The following PRRC2B variants were observed in gnomAD, a reference collection of about 807,000 sequenced individuals.
PRRC2B encodes proline rich coiled-coil 2B, also known as protein PRRC2B.
A neutral mutation model predicts 242.3 loss-of-function variants in PRRC2B; 68 were observed. That is an observed-to-expected ratio of 0.28 (90% CI 0.23 to 0.34). The LOEUF (loss-of-function observed/expected upper bound fraction) is 0.34, where lower values mean the gene tolerates loss of function less well. Among genes scored for constraint, PRRC2B ranks in the 10% least tolerant of loss-of-function variants. The pLI, the probability that PRRC2B is intolerant of heterozygous loss-of-function variation, is 1.00. For synonymous variants in PRRC2B, 1,228 were observed against 1,173.6 expected (o/e 1.05, Z -0.95); for missense variants, 2,835 against 2,954.8 (o/e 0.96, Z 0.94).
intron 1 of PRRC2B, among the ~76,000 whole-genome samples, chr9:131,410,365 C>T (rs1837474504): frequency 1.3e-5 from 2 of 152,246 alleles, no homozygotes; most frequent in African/African-American, 4.8e-5. Context: ...GTTCACACCC[C>T]ACCGCAGGCC....
chr9:131,394,079 G>C (rs1167701569), upstream of PRRC2B: 2 of 149,810 alleles, frequency 1.3e-5, no homozygotes, highest in Non-Finnish European at 3.0e-5. Flanking sequence ...GCGAGGGAGC[G>C]AGCGGCGAGA....
At position 131,470,850 on chromosome 9, in the gene PRRC2B, C is replaced by T. The variant is rs1429321517; in HGVS notation, c.1974C>T (p.Arg658=). ...PVYPPPSHPQ[R]TFYPHHPQML... ...ACCCCCCGCCGTCCCACCCCCAGCG[C>T]ACCTTTTACCCACACCACCCCCAGA... is the stretch of plus-strand genomic sequence containing the variant. Residue 658 remains arginine, a synonymous_variant, in exon 14 of 32, where the codon CGC becomes CGT. Transcript: ENST00000683519. 4 of 1,610,430 alleles carry T rather than the reference C, an allele frequency of 2.5e-6. No homozygotes were observed. The African/African-American group carries it at 4.0e-5, about 16-fold the overall frequency.
In PRRC2B at chr9:131,499,194, A is replaced by G. The variant is rs538548918; in HGVS notation, c.*3320A>G. On this transcript the variant is annotated 3_prime_UTR_variant, in exon 32 of 32. Coordinates refer to ENST00000683519, the MANE Select transcript of PRRC2B (RefSeq NM_013318.4). ...TCTCCAGCCGTGCTGTCACCCTCCT[A>G]TCTTCTGGATCTGCCTTCGCGATGG... 2 of 152,214 alleles carry G rather than the reference A, an allele frequency of 1.3e-5. No individual in the cohort carries two copies. Among genetic ancestry groups the G allele is most frequent in the Admixed American group, 6.5e-5 (1 of 15,298 alleles). 9.4% of individuals were successfully genotyped at this position (152,214 alleles called of 1,614,324 possible). A position where few individuals can be genotyped will look rare whatever the true frequency, so the allele number is the denominator to read the frequency against.
chr9:131,420,454 T>C (rs1024848773), intron 1 of PRRC2B, among the ~76,000 whole-genome samples: 4 of 8,024 alleles, frequency 5.0e-4, no homozygotes, highest in African/African-American at 7.6e-4. Flanking sequence ...TCTTTTTCTT[T>C]TTCTTTCTTT....
chr9:131,456,570 G>A lies in PRRC2B; in HGVS notation c.1211+1404G>A, dbSNP rs540111897. ...GGCATGAACCCGGGAGGCGGAGCTT[G>A]CAGTGAGCCGAGATCACGCCACATG... On this transcript the variant is annotated intron_variant, in intron 10 of 31. Transcript: ENST00000683519. Among the ~76,000 whole-genome samples, 14 of 152,034 alleles carry A rather than the reference G, an allele frequency of 9.2e-5. No individual in the cohort carries two copies. In the East Asian group the frequency reaches 2.5e-3, roughly 27 times the overall value.
chr9:131,492,645 G>C (rs1465383361), intron 30 of PRRC2B, among the ~76,000 whole-genome samples: 2 of 152,288 alleles, frequency 1.3e-5, no homozygotes, highest in Non-Finnish European at 2.9e-5. Flanking sequence ...GCCTTTCCCA[G>C]CGTCTCTTTC....
intron 5 of PRRC2B, among the ~76,000 whole-genome samples, chr9:131,443,141 T>A (rs1838665033): frequency 1.2e-4 from 1 of 8,406 alleles, no homozygotes; most frequent in African/African-American, 1.7e-4. Flanking sequence ...ATTTTATTAT[T>A]TTTTTTTTTT....
rs777074216 is a variant in PRRC2B, at chr9:131,478,502, C to T, written c.4641C>T (p.Ser1547=). 1.2e-6 allele frequency: 2 copies of T among 1,613,654 alleles called. No homozygotes were observed. Among genetic ancestry groups the T allele is most frequent in the South Asian group, 1.1e-5 (1 of 91,064 alleles). ...CCATCATTGAAAATTGCGGGTCCAG[C>T]CCCGGGGAGGAGAGTGAGGTGGGTT... ...GSAIIENCGS[S]PGEESEVGSM... The change falls in exon 18 of 32, where the codon AGC becomes AGT. Residue 1547 remains serine (S), a synonymous_variant. Transcript: ENST00000683519.
chr9:131,495,769 C>T lies in PRRC2B; in HGVS notation c.6585C>T (p.Ser2195=), dbSNP rs771732926. The change falls in exon 32 of 32, where the codon AGC becomes AGT. Residue 2195 remains serine, a synonymous_variant. Transcript: ENST00000683519. ...AACAACGAGTGGATGAGAAACCCAG[C>T]CTGGGAGCCGTGAAGCTGCAGGAGG... is the stretch of plus-strand genomic sequence containing the variant. ...QAKQRVDEKP[S]LGAVKLQEAP... 1 of 1,612,434 alleles carries T rather than the reference C, an allele frequency of 6.2e-7. No individual in the cohort carries two copies. Among genetic ancestry groups the T allele is most frequent in the Non-Finnish European group, 8.5e-7 (1 of 1,178,622 alleles).
At chr9:131,411,714 TAG>T (rs929090285) in intron 1 of PRRC2B, among the ~76,000 whole-genome samples, 1 of 152,234 alleles carries the variant, frequency 6.6e-6, no homozygotes, top group African/African-American at 2.4e-5. Flanking sequence ...ACTTTTTTAG[TAG>T]AGAGTGTTAG....
chr9:131,439,244 C>T (rs1838476981), intron 5 of PRRC2B, among the ~76,000 whole-genome samples, 183 bp downstream of exon 5: 1 of 152,148 alleles, frequency 6.6e-6, no homozygotes, highest in Admixed American at 6.5e-5. Flanking sequence ...GGTGCCAGCT[C>T]TTTGGTTTCT....
upstream of PRRC2B, among the ~76,000 whole-genome samples, chr9:131,389,924 T>G (rs990142131): frequency 1.7e-3 from 221 of 130,664 alleles, 34 homozygotes; most frequent in Admixed American, 0.016. Flanking sequence ...TGTTTTTTTT[T>G]TTGTTTTTTT....
intron 2 of PRRC2B, among the ~76,000 whole-genome samples, chr9:131,430,565 G>A (rs1239264044): frequency 1.8e-5 from 2 of 112,180 alleles, no homozygotes; most frequent in African/African-American, 3.5e-5. Flanking sequence ...GTGTGTATGT[G>A]TGTGTGTGTG....
Position 131,473,689 on chromosome 9 carries a change from G to A in PRRC2B, c.2289G>A (p.Lys763=), listed in dbSNP as rs142816402. 56 of 1,613,730 alleles carry A rather than the reference G, an allele frequency of 3.5e-5. 2 individuals are homozygous for A. In the African/African-American group the frequency reaches 5.6e-4, roughly 16 times the overall value. ...AGGGCTACCCGCTCCCGCACCCGAA[G>A]TCGAGTGACACCTTGGCTATGGACA... ...QSKGYPLPHP[K]SSDTLAMDMR... Residue 763 remains lysine, a synonymous_variant, in exon 15 of 32, where the codon AAG becomes AAA. Transcript: ENST00000683519.
chr9:131,442,900 A>C (rs1009008551), intron 5 of PRRC2B, among the ~76,000 whole-genome samples: 1 of 152,216 alleles, frequency 6.6e-6, no homozygotes, highest in Non-Finnish European at 1.5e-5. Context: ...TCTCTAAAGC[A>C]GGTTGTAATG....
At position 131,446,789 on chromosome 9, in the gene PRRC2B, C is replaced by A; in HGVS notation, c.855+147C>A. ...CTTCCACTCGTTTTGCATTTTCTCTCCCTGCTTTTTAAATCTTCAGGGCCT... is the reference window on the plus strand; with the variant it reads ...CTTCCACTCGTTTTGCATTTTCTCTACCTGCTTTTTAAATCTTCAGGGCCT... On this transcript the variant is annotated intron_variant, in intron 7 of 31. Transcript: ENST00000683519. The surrounding 1 kb of genome is among the most constrained non-coding windows in gnomAD (Gnocchi z 4.1). 1.0e-6 allele frequency: 1 copy of A among 985,986 alleles called. No individual in the cohort carries two copies. The highest frequency in any genetic ancestry group is 1.5e-6 in the Non-Finnish European group (1 of 679,400). 61.1% of individuals were successfully genotyped at this position (985,986 alleles called of 1,614,324 possible). A position where few individuals can be genotyped will look rare whatever the true frequency, so the allele number is the denominator to read the frequency against.
intron 5 of PRRC2B, 111 bp from the exon 6 acceptor site, chr9:131,444,074 C>G (rs1296858455): frequency 8.0e-7 from 1 of 1,248,280 alleles, no homozygotes; most frequent in African/African-American, 1.5e-5. Context: ...TGACAAGACT[C>G]CCTTCAAAAG....
chr9:131,400,128 G>C (rs1267955353), intron 1 of PRRC2B, among the ~76,000 whole-genome samples: 1 of 152,080 alleles, frequency 6.6e-6, no homozygotes, highest in Non-Finnish European at 1.5e-5. Flanking sequence ...TTGTCGCCCA[G>C]TCTGGAGTGC....
chr9:131,419,037 C>T (rs900474325), intron 1 of PRRC2B, among the ~76,000 whole-genome samples: 5 of 151,990 alleles, frequency 3.3e-5, no homozygotes, highest in African/African-American at 9.7e-5. Flanking sequence ...CTGTATCAAG[C>T]GTATATTTCT....
Sources: allele counts gnomAD v4.1 joint callset (sites outside exome capture counted in the v4.1 genomes callset), GRCh38; gene constraint gnomAD v4.1.1; non-coding constraint Gnocchi (gnomAD v3.1); transcripts MANE v1.5; gene names NCBI Gene and HGNC (gene_info 2026-07-23, HGNC 2026-07-21).